Variants in SGCZ observed in about 807,000 individuals in gnomAD.
The protein encoded by SGCZ is zeta-sarcoglycan.
Under a neutral mutation model 41.3 loss-of-function variants are expected in SGCZ, and 40 were observed. The observed-to-expected ratio is 0.97, with a 90% CI of 0.75 to 1.26. SGCZ has a LOEUF of 1.26. SGCZ is among the 50% of genes most tolerant of loss of function. The probability of loss-of-function intolerance (pLI) is 0.00; values close to 1 mark genes in which losing one functional copy is unlikely to be tolerated. For missense variants in SGCZ, 552 were observed against 369.8 expected (o/e 1.49, Z -4.04); for synonymous variants, 206 against 137.5 (o/e 1.50, Z -3.49).
chr8:14,384,218 C>T (rs10283340), intron 2 of SGCZ, among the ~76,000 whole-genome samples: 23,733 of 151,804 alleles, frequency 0.16, 4,260 homozygotes, highest in African/African-American at 0.44. Flanking sequence ...ATGCGGTGTT[C>T]GGTTTTTTGT....
intron 1 of SGCZ, among the ~76,000 whole-genome samples, chr8:14,989,485 C>G (rs1801934543): frequency 2.0e-5 from 3 of 152,090 alleles, no homozygotes; most frequent in South Asian, 2.1e-4. Flanking sequence ...GACCAGTCCT[C>G]TAAATACTAA....
chr8:14,898,804 G>A (rs1186941432), intron 1 of SGCZ, among the ~76,000 whole-genome samples: 4 of 152,144 alleles, frequency 2.6e-5, no homozygotes, highest in Non-Finnish European at 5.9e-5. Flanking sequence ...AATTCAGTGA[G>A]TGCCACCTTC....
chr8:15,066,508 G>A (rs1015007767), intron 1 of SGCZ, among the ~76,000 whole-genome samples: 5 of 151,632 alleles, frequency 3.3e-5, no homozygotes, highest in Non-Finnish European at 5.9e-5. Context: ...TTTTATTTTC[G>A]GGTTTATCTT....
At chr8:14,191,483 T>C (rs920371398) in intron 4 of SGCZ, among the ~76,000 whole-genome samples, 1 of 152,228 alleles carries the variant, frequency 6.6e-6, no homozygotes, top group African/African-American at 2.4e-5. Context: ...TATAGATCTT[T>C]AATCCATTTG....
At chr8:15,102,503 T>C (rs891264081) in intron 1 of SGCZ, among the ~76,000 whole-genome samples, 7 of 152,204 alleles carry the variant, frequency 4.6e-5, no homozygotes, top group African/African-American at 1.4e-4. Flanking sequence ...AAAGGAACTA[T>C]AGTGTAAACT....
At chr8:15,005,482 C>A (rs1802582420) in intron 1 of SGCZ, among the ~76,000 whole-genome samples, 1 of 152,126 alleles carries the variant, frequency 6.6e-6, no homozygotes, top group East Asian at 1.9e-4. Context: ...CAGGCATGCG[C>A]CACCACTCCC....
At chr8:15,037,999 ATAAT>A (rs1459625527) in intron 1 of SGCZ, among the ~76,000 whole-genome samples, 3 of 152,166 alleles carry the variant, frequency 2.0e-5, no homozygotes, top group Non-Finnish European at 2.9e-5. Context: ...ATAGAATGAA[ATAAT>A]TAATATGGTT....
intron 1 of SGCZ, among the ~76,000 whole-genome samples, chr8:15,152,496 C>T (rs995597060): frequency 6.6e-6 from 1 of 152,166 alleles, no homozygotes; most frequent in African/African-American, 2.4e-5. Flanking sequence ...AAAGCAGGTC[C>T]TTGCAAGCTC....
At position 14,706,549 on chromosome 8, in the gene SGCZ, A is replaced by G. The variant is rs540665988; in HGVS notation, c.40-151623T>C. ...ATTCTTAATAGCCAAGTTGAATAGG[A>G]CATTAGAGTTTATCAAGTCCAGTAA... is the stretch of plus-strand genomic sequence containing the variant. On this transcript the variant is annotated intron_variant, in intron 1 of 7. Transcript: ENST00000382080. Among the ~76,000 whole-genome samples, 127 of 152,230 alleles carry G rather than the reference A, an allele frequency of 8.3e-4. 1 individual carries two copies. The highest frequency in any genetic ancestry group is 2.9e-3 in the African/African-American group (121 of 41,566).
intron 5 of SGCZ, among the ~76,000 whole-genome samples, chr8:14,124,562 C>A (rs1247812770): frequency 6.6e-6 from 1 of 152,182 alleles, no homozygotes; most frequent in Non-Finnish European, 1.5e-5. Flanking sequence ...GATTATATTA[C>A]TGTTTTACCA....
intron 1 of SGCZ, among the ~76,000 whole-genome samples, chr8:14,991,990 A>G (rs1585445924): frequency 6.9e-6 from 1 of 144,274 alleles, no homozygotes. Flanking sequence ...TAGTATTGCC[A>G]TTGATATTTA....
chr8:14,550,882 C>A lies in SGCZ; in HGVS notation c.234+3850G>T, dbSNP rs1803784664. Among the ~76,000 whole-genome samples, 2 of 151,944 alleles carry A rather than the reference C, an allele frequency of 1.3e-5. 1 individual carries two copies. The highest frequency in any genetic ancestry group is 4.1e-4 in the South Asian group (2 of 4,828). On this transcript the variant is annotated intron_variant, in intron 2 of 7. Coordinates refer to ENST00000382080, the MANE Select transcript of SGCZ (RefSeq NM_139167.4). ...TGTACAGATAGTTGTTCTAAAATTT[C>A]CCAATTCCCTTTCAATCCAAAAACG... is the stretch of plus-strand genomic sequence containing the variant.
At chr8:14,509,707 T>C (rs1404834490) in intron 2 of SGCZ, among the ~76,000 whole-genome samples, 1 of 152,152 alleles carries the variant, frequency 6.6e-6, no homozygotes, top group Non-Finnish European at 1.5e-5. Context: ...TATAAAGAAA[T>C]ACCTGACACA....
At chr8:15,065,786 C>G (rs1305781366) in intron 1 of SGCZ, among the ~76,000 whole-genome samples, 1 of 152,078 alleles carries the variant, frequency 6.6e-6, no homozygotes, top group East Asian at 1.9e-4. Flanking sequence ...CCATAGATGT[C>G]TGGAGGTCAC....
At position 15,078,659 on chromosome 8, in the gene SGCZ, C is replaced by T. The variant is rs116296710; in HGVS notation, c.39+158926G>A. Among the ~76,000 whole-genome samples, 795 of 152,012 alleles carry T rather than the reference C, an allele frequency of 5.2e-3. 6 individuals are homozygous for T. The highest frequency in any genetic ancestry group is 0.018 in the African/African-American group (757 of 41,462). On this transcript the variant is annotated intron_variant, in intron 1 of 7. Coordinates refer to ENST00000382080, the MANE Select transcript of SGCZ (RefSeq NM_139167.4). The stretch of plus-strand genomic sequence containing the variant: ...TGATGCACAATGTTTGCTCTTAGCT[C>T]TATCATAGGTTATATGTTCTCTGAT...
At chr8:14,190,292 G>A (rs996826056) in intron 4 of SGCZ, among the ~76,000 whole-genome samples, 4 of 151,930 alleles carry the variant, frequency 2.6e-5, no homozygotes, top group East Asian at 3.9e-4. Context: ...GATTACAGGC[G>A]TGAGCCACAG....
intron 2 of SGCZ, among the ~76,000 whole-genome samples, chr8:14,352,814 A>G (rs900548862): frequency 1.6e-4 from 25 of 152,072 alleles, no homozygotes; most frequent in African/African-American, 6.0e-4. Flanking sequence ...CCCTGTAAAC[A>G]ACACATGCAT....
rs149339360 is a variant in SGCZ, at chr8:14,196,502, A to G, written c.425-31800T>C. Among the ~76,000 whole-genome samples the G allele has an allele frequency of 3.2e-3, 488 of 152,324 alleles. 5 individuals are homozygous for G. The highest frequency in any genetic ancestry group is 0.011 in the African/African-American group (465 of 41,570). On this transcript the variant is annotated intron_variant, in intron 4 of 7. Coordinates refer to ENST00000382080, the MANE Select transcript of SGCZ (RefSeq NM_139167.4). ...TTGGTTATGTTTTAAATAAACACAA[A>G]TTGACTACATGAAACAGCGATTTCA...
At chr8:14,645,091 A>T (rs897260582) in intron 1 of SGCZ, among the ~76,000 whole-genome samples, 1 of 151,688 alleles carries the variant, frequency 6.6e-6, no homozygotes, top group South Asian at 2.1e-4. Flanking sequence ...CAAGCATCCC[A>T]GGGCATAAAA....
Sources: allele counts gnomAD v4.1 joint callset (sites outside exome capture counted in the v4.1 genomes callset), GRCh38; gene constraint gnomAD v4.1.1; transcripts MANE v1.5; gene names NCBI Gene and HGNC (gene_info 2026-07-23, HGNC 2026-07-21).